The following MEF2C variants were observed in gnomAD, a reference collection of about 807,000 sequenced individuals.
MEF2C encodes the protein myocyte enhancer factor 2C.
MEF2C carries 6 observed loss-of-function variants against 50.5 expected under a neutral mutation model. The ratio of observed to expected loss-of-function variants is 0.12; its 90% CI spans 0.07 to 0.23. MEF2C has a LOEUF of 0.23. MEF2C is among the 10% of genes least tolerant of loss of function. The probability of loss-of-function intolerance (pLI) is 1.00; values close to 1 mark genes in which losing one functional copy is unlikely to be tolerated. For synonymous variants in MEF2C, 183 were observed against 228.0 expected (o/e 0.80, Z 1.78); for missense variants, 276 against 605.0 (o/e 0.46, Z 5.70).
chr5:88,826,430 T>G (rs1003145156), intron 1 of MEF2C, among the ~76,000 whole-genome samples: 1 of 151,940 alleles, frequency 6.6e-6, no homozygotes, highest in Non-Finnish European at 1.5e-5. Context: ...CAGAGTAATA[T>G]GTGGTGATGA....
intron 1 of MEF2C, among the ~76,000 whole-genome samples, chr5:88,861,133 G>A (rs1230479551): frequency 1.3e-5 from 2 of 152,206 alleles, no homozygotes; most frequent in African/African-American, 4.8e-5. Flanking sequence ...AGCTAGAATG[G>A]AAGTAACACC....
At chr5:88,761,090 G>C (rs749788927) in intron 4 of MEF2C, 95 bp downstream of exon 4, 1 of 1,613,986 alleles carries the variant, frequency 6.2e-7, no homozygotes, top group Admixed American at 1.7e-5. Context: ...CGGGATCGGG[G>C]CTTTCACAGC....
chr5:88,809,510 A>C (rs1801904864), intron 2 of MEF2C, among the ~76,000 whole-genome samples: 1 of 152,054 alleles, frequency 6.6e-6, no homozygotes, highest in Admixed American at 6.6e-5. Context: ...TGGCTGGACA[A>C]AAAAAAGTCA....
intron 1 of MEF2C, 25 bp from the exon 2 acceptor site, chr5:88,823,955 A>G: frequency 7.0e-7 from 1 of 1,433,460 alleles, no homozygotes; most frequent in Non-Finnish European, 9.1e-7. Context: ...AAAATTAAAT[A>G]CCACTCTAAC....
intron 1 of MEF2C, chr5:88,825,679 A>T: frequency 1.0e-6 from 1 of 968,084 alleles, no homozygotes; most frequent in Non-Finnish European, 1.2e-6. Context: ...CTTAAATGTC[A>T]CTCAATGGGG....
rs199642010 is a variant in MEF2C, at chr5:88,873,708, ATT to A, written c.-143+9245_-143+9246del. Among the ~76,000 whole-genome samples, 800 of 93,538 alleles carry A rather than the reference ATT, an allele frequency of 8.6e-3. 1 individual carries two copies. The highest frequency in any genetic ancestry group is 0.015 in the East Asian group (50 of 3,258). 61.4% of individuals were successfully genotyped at this position (93,538 alleles called of 152,430 possible). A position where few individuals can be genotyped will look rare whatever the true frequency, so the allele number is the denominator to read the frequency against. On this transcript the variant is annotated intron_variant, in intron 1 of 10. Transcript: ENST00000504921. ...TGCAAATCTATCAATGTCGTCACGG[ATT>A]TTTTTTTTTTTTTTTTTTTTTTTTT...
intron 1 of MEF2C, among the ~76,000 whole-genome samples, chr5:88,835,116 T>G (rs1324829721): frequency 6.6e-6 from 1 of 152,212 alleles, no homozygotes; most frequent in Non-Finnish European, 1.5e-5. Flanking sequence ...AACACCTCTT[T>G]TCATTTCACA....
At chr5:88,887,982 T>G (rs1452509286), upstream of MEF2C, among the ~76,000 whole-genome samples, 1 of 152,238 alleles carries the variant, frequency 6.6e-6, no homozygotes, top group African/African-American at 2.4e-5. Context: ...GATAGAGAAT[T>G]ACAGAAGAAT....
upstream of MEF2C, among the ~76,000 whole-genome samples, chr5:88,886,326 T>C (rs1834047323): frequency 1.3e-5 from 2 of 152,228 alleles, no homozygotes; most frequent in Non-Finnish European, 2.9e-5. Flanking sequence ...TCTGTTTTTG[T>C]TTTTTCTTTA....
At chr5:88,853,300 A>C (rs565022378) in intron 1 of MEF2C, among the ~76,000 whole-genome samples, 1 of 152,224 alleles carries the variant, frequency 6.6e-6, no homozygotes, top group Non-Finnish European at 1.5e-5. Context: ...TGCAATGAGT[A>C]GTGAGATCTT....
In MEF2C at chr5:88,719,576, A is replaced by C. The variant is rs940987039; in HGVS notation, c.*3028T>G. On this transcript the variant is annotated 3_prime_UTR_variant, in exon 11 of 11. Transcript: ENST00000504921. ...TCTAGGACGGGTTATGTAAAATAAT[A>C]CTCCCTCAGGGCTCTGCCCTAAAGT... 6.6e-6 allele frequency: 1 copy of C among 152,328 alleles called. No individual in the cohort carries two copies. The highest frequency in any genetic ancestry group is 1.9e-4 in the East Asian group (1 of 5,190). The allele number at this position is 152,328 out of a possible 1,614,324, so 9.4% of individuals were successfully genotyped here. A position where few individuals can be genotyped will look rare whatever the true frequency, so the allele number is the denominator to read the frequency against.
intron 1 of MEF2C, among the ~76,000 whole-genome samples, chr5:88,841,592 C>T (rs150298555): frequency 1.1e-3 from 172 of 151,904 alleles, no homozygotes; most frequent in African/African-American, 4.0e-3. Flanking sequence ...GGAGGAGTTC[C>T]ATGAAATTTG....
intron 1 of MEF2C, among the ~76,000 whole-genome samples, chr5:88,875,486 A>G (rs1830768967): frequency 6.6e-6 from 1 of 151,886 alleles, no homozygotes; most frequent in South Asian, 2.1e-4. Context: ...AGAAACCATT[A>G]TATTTTTCTT....
chr5:88,793,240 TAGAG>T (rs1371755016), intron 3 of MEF2C, among the ~76,000 whole-genome samples: 7 of 152,136 alleles, frequency 4.6e-5, no homozygotes, highest in Admixed American at 3.9e-4. Context: ...AACAGCCAAG[TAGAG>T]ATCCAGTAAG....
At chr5:88,786,111 TA>T (rs953660590) in intron 3 of MEF2C, among the ~76,000 whole-genome samples, 2 of 150,882 alleles carry the variant, frequency 1.3e-5, no homozygotes, top group South Asian at 2.1e-4. Flanking sequence ...AGGGAAAAAT[TA>T]AAAAAAAAGC....
chr5:88,900,941 G>A (rs996263106), intron 1 of MEF2C, among the ~76,000 whole-genome samples: 1 of 151,848 alleles, frequency 6.6e-6, no homozygotes, highest in African/African-American at 2.4e-5. Flanking sequence ...CCATAACTCC[G>A]AAATAGTTTA....
intron 6 of MEF2C, chr5:88,741,852 T>C: frequency 1.0e-6 from 1 of 985,270 alleles, no homozygotes; most frequent in Middle Eastern, 5.2e-4. Context: ...GGAGCAATAA[T>C]AAATAAACAC....
At chr5:88,725,522 T>C (rs989527976) in intron 10 of MEF2C, among the ~76,000 whole-genome samples, 1 of 152,090 alleles carries the variant, frequency 6.6e-6, no homozygotes, top group African/African-American at 2.4e-5. Flanking sequence ...CGAATAATTA[T>C]AGACCCTGAT....
intron 1 of MEF2C, among the ~76,000 whole-genome samples, chr5:88,869,254 T>TACAC (rs1828419450): frequency 4.1e-5 from 2 of 48,372 alleles, no homozygotes; most frequent in Non-Finnish European, 6.6e-5. Context: ...CTAGTTTTCA[T>TACAC]ATATATATAT....
Sources: allele counts gnomAD v4.1 joint callset (sites outside exome capture counted in the v4.1 genomes callset), GRCh38; gene constraint gnomAD v4.1.1; transcripts MANE v1.5; gene names NCBI Gene and HGNC (gene_info 2026-07-23, HGNC 2026-07-21).